The following EIF4B variants were observed in gnomAD, a reference collection of about 807,000 sequenced individuals.
EIF4B encodes eukaryotic translation initiation factor 4B.
A neutral mutation model predicts 79.3 loss-of-function variants in EIF4B; 8 were observed. That is an observed-to-expected ratio of 0.10 (90% CI 0.06 to 0.18). EIF4B has a LOEUF of 0.18. EIF4B is among the 10% of genes least tolerant of loss of function. EIF4B has a pLI of 1.00. For missense variants in EIF4B, 515 were observed against 792.4 expected (o/e 0.65, Z 4.20); for synonymous variants, 238 against 274.7 (o/e 0.87, Z 1.32).
chr12:53,029,635 A>G (rs1169394992), intron 8 of EIF4B, among the ~76,000 whole-genome samples: 2 of 152,098 alleles, frequency 1.3e-5, no homozygotes, highest in Non-Finnish European at 2.9e-5. Context: ...TGGCCTCCCA[A>G]AGTGTTGGGA....
chr12:53,023,831 C>T (rs2120933011), intron 6 of EIF4B, among the ~76,000 whole-genome samples: 1 of 152,056 alleles, frequency 6.6e-6, no homozygotes, highest in Admixed American at 6.6e-5. Context: ...GATCCTCCTG[C>T]TTCAGCCTCC....
In EIF4B at chr12:53,006,516, C is replaced by CGG. The variant is rs1346909265; in HGVS notation, c.13+21_13+22dup. The CGG allele has an allele frequency of 3.7e-6, 6 of 1,613,440 alleles. No individual in the cohort carries two copies. The highest frequency in any genetic ancestry group is 5.1e-6 in the Non-Finnish European group (6 of 1,180,034). ...CCTCAGGTGAGCGAGCAGCCGAGCG[C>CGG]GGCCAAGGACTGGGCTCTGAAACCC... On this transcript the variant is annotated intron_variant, in intron 1 of 14. Coordinates refer to ENST00000262056, the MANE Select transcript of EIF4B (RefSeq NM_001417.7).
At chr12:53,033,666 ATTTGCC>A in intron 8 of EIF4B, 134 bp from the exon 9 acceptor site, 3 of 920,076 alleles carry the variant, frequency 3.3e-6, no homozygotes, top group Non-Finnish European at 4.8e-6. Context: ...CTAATGATCT[ATTTGCC>A]TTCTGTGGAT....
At chr12:53,019,443 T>C (rs1315526896) in intron 3 of EIF4B, among the ~76,000 whole-genome samples, 9 of 94,382 alleles carry the variant, frequency 9.5e-5, no homozygotes, top group Non-Finnish European at 1.9e-4. Flanking sequence ...ATATATTTTT[T>C]TTTTTTCTTT....
At chr12:53,023,934 A>G (rs978175543) in intron 6 of EIF4B, among the ~76,000 whole-genome samples, 2 of 152,224 alleles carry the variant, frequency 1.3e-5, no homozygotes, top group Non-Finnish European at 2.9e-5. Flanking sequence ...AAAATACTCA[A>G]GATATAGCAG....
At chr12:53,020,471 T>C (rs959995827) in intron 4 of EIF4B, among the ~76,000 whole-genome samples, 2 of 152,236 alleles carry the variant, frequency 1.3e-5, no homozygotes, top group Admixed American at 6.5e-5. Context: ...TTTGGAAACA[T>C]TTCCTACAAA....
chr12:53,016,739 AT>A (rs1943154999), intron 2 of EIF4B, 129 bp downstream of exon 2: 4 of 1,309,896 alleles, frequency 3.1e-6, no homozygotes, highest in Admixed American at 3.2e-5. Context: ...AATCTTACAT[AT>A]TTTATAGAAT....
rs553335937 is a variant in EIF4B, at chr12:53,039,176, T to G, written c.1577-62T>G. On this transcript the variant is annotated intron_variant, in intron 12 of 14. Coordinates refer to ENST00000262056, the MANE Select transcript of EIF4B (RefSeq NM_001417.7). Reference sequence around the variant, plus strand: ...AATTTTCTTCAGCTTAAGGGAAATCTTAGGAGAGGGACATTGATACTTTTA... The same window carrying G: ...AATTTTCTTCAGCTTAAGGGAAATCGTAGGAGAGGGACATTGATACTTTTA... 2.1e-5 allele frequency: 26 copies of G among 1,233,400 alleles called. No individual in the cohort carries two copies. The Admixed American group carries it at 4.4e-4, about 21-fold the overall frequency. 76.4% of individuals were successfully genotyped at this position (1,233,400 alleles called of 1,614,324 possible).
intron 11 of EIF4B, chr12:53,038,104 G>A (rs1943569534): frequency 3.2e-6 from 1 of 309,386 alleles, no homozygotes; most frequent in African/African-American, 2.2e-5. Flanking sequence ...CTGGGCGACA[G>A]AGTTAAGACT....
chr12:53,019,403 GA>G (rs1379033170), intron 3 of EIF4B, among the ~76,000 whole-genome samples: 3 of 98,246 alleles, frequency 3.1e-5, no homozygotes, highest in African/African-American at 1.0e-4. Flanking sequence ...CCATCTCAAA[GA>G]AAAAAAATAA....
intron 1 of EIF4B, 141 bp downstream of exon 1, chr12:53,006,637 C>G: frequency 6.8e-7 from 1 of 1,465,640 alleles, no homozygotes; most frequent in Non-Finnish European, 9.3e-7. Flanking sequence ...GCGGCGTGGC[C>G]CTGTTAGGTT....
chr12:53,021,691 T>C, intron 4 of EIF4B, 115 bp from the exon 5 acceptor site: 1 of 1,229,524 alleles, frequency 8.1e-7, no homozygotes, highest in Non-Finnish European at 1.2e-6. Context: ...GATTACAGTG[T>C]TTTCCTTTAT....
At chr12:53,024,082 G>A (rs1943295603) in intron 6 of EIF4B, among the ~76,000 whole-genome samples, 1 of 152,162 alleles carries the variant, frequency 6.6e-6, no homozygotes, top group Admixed American at 6.6e-5. Flanking sequence ...AAGAGACAGT[G>A]TGTGAATAAT....
rs143395955 is a variant in EIF4B at position 53,019,423 on chromosome 12, TTA to T, written c.360+431_360+432del. Reference sequence around the variant, plus strand: ...TCAAAGAAAAAAAATAAAATCAAAATTATATATATATATATTTTTTTTTTTTC... The same window carrying T: ...TCAAAGAAAAAAAATAAAATCAAAATTATATATATATATTTTTTTTTTTTC... On this transcript the variant is annotated intron_variant, in intron 3 of 14. Coordinates refer to ENST00000262056, the MANE Select transcript of EIF4B (RefSeq NM_001417.7). 6.9e-3 allele frequency among the ~76,000 whole-genome samples: 457 copies of T among 65,772 alleles called. 1 individual carries two copies. Among genetic ancestry groups the T allele is most frequent in the Middle Eastern group, 0.016 (2 of 124 alleles). The allele number at this position is 65,772 out of a possible 152,430, so 43.1% of individuals were successfully genotyped here.
intron 5 of EIF4B, chr12:53,022,260 C>T: frequency 4.2e-6 from 3 of 707,660 alleles, no homozygotes; most frequent in Non-Finnish European, 7.6e-6. Context: ...TCAGGGACTC[C>T]TGGCCCATAC....
Position 53,027,788 on chromosome 12 carries a change from G to A in EIF4B, c.674G>A (p.Arg225Gln), listed in dbSNP as rs1381944013. ...ACTTGTCTGTTTCCTCTAGAGTATC[G>A]AGATCGTTATGATTCAGACCGGTAT... ...RGDDSFGDKY[R>Q]DRYDSDRYRD... Residue 225 changes from arginine to glutamine, a missense_variant, in exon 7 of 15, where the codon CGA becomes CAA. This residue lies in a region of EIF4B where 187 missense variants were observed against 256.5 expected (regional missense o/e 0.73). Coordinates refer to ENST00000262056, the MANE Select transcript of EIF4B (RefSeq NM_001417.7). The A allele has an allele frequency of 6.2e-6, 10 of 1,613,072 alleles. No homozygotes were observed. Among genetic ancestry groups the A allele is most frequent in the East Asian group, 2.2e-5 (1 of 44,880 alleles).
At chr12:53,039,053 T>G (rs761427799) in intron 12 of EIF4B, 185 bp from the exon 13 acceptor site, 2 of 493,002 alleles carry the variant, frequency 4.1e-6, no homozygotes, top group Non-Finnish European at 7.2e-6. Context: ...TTGTTTGTTT[T>G]TTGTATTTTT....
chr12:53,016,378 A>AT, intron 1 of EIF4B, 95 bp from the exon 2 acceptor site: 1 of 1,510,006 alleles, frequency 6.6e-7, no homozygotes, highest in Non-Finnish European at 9.0e-7. Context: ...CGTCCATGTT[A>AT]TTTCTTTCTA....
chr12:53,038,321 C>T lies in EIF4B; in HGVS notation c.1521-35C>T, dbSNP rs769036099. ...TTTCTTGGTTGTTTTCTCCCTGAAA[C>T]AACTGATGAATGTGATTACCTGTTT... On this transcript the variant is annotated intron_variant, in intron 11 of 14. Transcript: ENST00000262056. 4 of 1,548,196 alleles carry T rather than the reference C, an allele frequency of 2.6e-6. No individual in the cohort carries two copies. In the South Asian group the frequency reaches 4.9e-5, roughly 19 times the overall value.
Sources: gnomAD v4.1 joint callset for allele counts (sites outside exome capture counted in the v4.1 genomes callset) on GRCh38, gnomAD v4.1.1 for gene constraint, gnomAD v4.1.1 regional missense constraint, MANE v1.5 for transcripts, NCBI Gene and HGNC (gene_info 2026-07-23, HGNC 2026-07-21) for gene names.